Variants in GAS2L3 observed in about 807,000 individuals in gnomAD.
GAS2L3 encodes GAS2-like protein 3.
GAS2L3 carries 28 observed loss-of-function variants against 37.0 expected under a neutral mutation model. The ratio of observed to expected loss-of-function variants is 0.76; its 90% CI spans 0.56 to 1.04. The LOEUF is 1.04. Among genes scored for constraint, GAS2L3 ranks in the 50% least tolerant of loss-of-function variants. GAS2L3 has a pLI of 0.00. For synonymous variants in GAS2L3, 290 were observed against 296.6 expected, an observed-to-expected ratio of 0.98 and a Z score of 0.23; for missense variants, 793 against 817.6, an observed-to-expected ratio of 0.97 and a Z score of 0.37.
At chr12:100,588,481 A>T (rs550895403) in intron 1 of GAS2L3, among the ~76,000 whole-genome samples, 33 of 152,362 alleles carry the variant, frequency 2.2e-4, no homozygotes, top group African/African-American at 7.7e-4. Flanking sequence ...AACAAAGATC[A>T]CATGCTTCTG....
intron 1 of GAS2L3, among the ~76,000 whole-genome samples, chr12:100,588,134 T>C (rs1204999606): frequency 1.3e-5 from 2 of 152,166 alleles, no homozygotes; most frequent in East Asian, 1.9e-4. Flanking sequence ...GACGATATGA[T>C]TGTTTACCTT....
intron 8 of GAS2L3, among the ~76,000 whole-genome samples, chr12:100,619,983 T>G (rs1956233889): frequency 6.6e-6 from 1 of 152,032 alleles, no homozygotes; most frequent in African/African-American, 2.4e-5. Context: ...CTATTAAACC[T>G]GGTGCTTTTA....
chr12:100,573,740 G>T lies in GAS2L3; in HGVS notation c.-197G>T. 1 of 154,098 alleles carries T rather than the reference G, an allele frequency of 6.5e-6. No individual in the cohort carries two copies. The highest frequency in any genetic ancestry group is 1.8e-4 in the South Asian group (1 of 5,680). 9.5% of individuals were successfully genotyped at this position (154,098 alleles called of 1,614,324 possible). Reference sequence around the variant, plus strand: ...GGGGCGTGTTGGCCCCGCACAGATTGAGCCGAGTTGTCGCCCCGCTGGGAG... The same window carrying T: ...GGGGCGTGTTGGCCCCGCACAGATTTAGCCGAGTTGTCGCCCCGCTGGGAG... On this transcript the variant is annotated 5_prime_UTR_variant, in exon 1 of 10. Transcript: ENST00000547754.
chr12:100,579,108 T>A (rs1032999480), intron 1 of GAS2L3: 2 of 720,298 alleles, frequency 2.8e-6, no homozygotes, highest in African/African-American at 3.5e-5. Context: ...CAGGAGAGAG[T>A]CACAATAATC....
rs188722127 is a variant in GAS2L3, at chr12:100,597,236, A to G, written c.18+2314A>G. 5.3e-4 allele frequency among the ~76,000 whole-genome samples: 81 copies of G among 152,138 alleles called. 1 individual carries two copies. The highest frequency in any genetic ancestry group is 1.5e-4 in the Non-Finnish European group (10 of 67,950). On this transcript the variant is annotated intron_variant, in intron 3 of 9. Coordinates refer to ENST00000547754, the MANE Select transcript of GAS2L3 (RefSeq NM_174942.3). ...TTCAGCTCAACCAGATGGTTAATGG[A>G]CAAATAACATATTCCATTGACTGTC...
intron 1 of GAS2L3, among the ~76,000 whole-genome samples, chr12:100,577,958 A>G (rs1304151632): frequency 6.6e-6 from 1 of 152,228 alleles, no homozygotes; most frequent in Non-Finnish European, 1.5e-5. Context: ...GGATCCTACA[A>G]ATCTTTGTTA....
At chr12:100,587,973 A>T (rs544466770) in intron 1 of GAS2L3, among the ~76,000 whole-genome samples, 1 of 152,208 alleles carries the variant, frequency 6.6e-6, no homozygotes, top group African/African-American at 2.4e-5. Context: ...AATGGTGTGA[A>T]CCCAGGAGGT....
intron 3 of GAS2L3, among the ~76,000 whole-genome samples, chr12:100,596,285 A>G (rs1044581014): frequency 1.3e-5 from 2 of 152,048 alleles, no homozygotes; most frequent in African/African-American, 4.8e-5. Flanking sequence ...CAGGAATGTC[A>G]TAGTTTCTTA....
intron 1 of GAS2L3, among the ~76,000 whole-genome samples, chr12:100,582,338 C>T (rs1008827058): frequency 6.6e-6 from 1 of 152,218 alleles, no homozygotes; most frequent in Non-Finnish European, 1.5e-5. Flanking sequence ...GGAATGTCAT[C>T]AGTTAAGGCA....
rs1476316724 is a variant in GAS2L3, at chr12:100,626,829, G to T, written c.*1939G>T. On this transcript the variant is annotated 3_prime_UTR_variant, in exon 10 of 10. Transcript: ENST00000547754. Reference sequence around the variant, plus strand: ...TTAGCCAAAGAATTGTTTATTTGAGGCCAGGCAATCCCAGCATTTTGGGAA... The same window carrying T: ...TTAGCCAAAGAATTGTTTATTTGAGTCCAGGCAATCCCAGCATTTTGGGAA... The T allele has an allele frequency of 6.6e-6, 1 of 152,046 alleles. No individual in the cohort carries two copies. Among genetic ancestry groups the T allele is most frequent in the Non-Finnish European group, 1.5e-5 (1 of 68,014 alleles). 9.4% of individuals were successfully genotyped at this position (152,046 alleles called of 1,614,324 possible).
intron 3 of GAS2L3, among the ~76,000 whole-genome samples, chr12:100,597,156 C>A (rs1955922771): frequency 6.6e-6 from 1 of 151,928 alleles, no homozygotes; most frequent in Admixed American, 6.6e-5. Context: ...AAAAACCACC[C>A]TCTTAATTTA....
intron 1 of GAS2L3, among the ~76,000 whole-genome samples, chr12:100,577,085 G>C (rs1955646690): frequency 6.6e-6 from 1 of 152,300 alleles, no homozygotes; most frequent in Non-Finnish European, 1.5e-5. Flanking sequence ...TACACACACA[G>C]AGAATTTAGA....
Position 100,624,854 on chromosome 12 carries a change from T to C in GAS2L3, c.2049T>C (p.Tyr683=), listed in dbSNP as rs61745248. 1.0e-3 allele frequency: 1,650 copies of C among 1,603,624 alleles called. 13 individuals are homozygous for C. The African/African-American group carries it at 0.019, about 19-fold the overall frequency. ...TAKKKEDDDH[Y]FVMTGSKKPR... Reference sequence around the variant, plus strand: ...AGAAAAAGGAAGATGATGACCATTATTTTGTCATGACTGGAAGTAAGAAAC... The same window carrying C: ...AGAAAAAGGAAGATGATGACCATTACTTTGTCATGACTGGAAGTAAGAAAC... Residue 683 remains tyrosine (Y), a synonymous_variant, in exon 10 of 10, where the codon TAT becomes TAC. Transcript: ENST00000547754.
intron 1 of GAS2L3, among the ~76,000 whole-genome samples, chr12:100,584,570 C>T (rs1955754205): frequency 6.6e-6 from 1 of 151,622 alleles, no homozygotes; most frequent in Admixed American, 6.6e-5. Flanking sequence ...GACATTCCTA[C>T]TTGAATGTCT....
At chr12:100,578,822 A>G in intron 1 of GAS2L3, 1 of 660,756 alleles carries the variant, frequency 1.5e-6, no homozygotes, top group Non-Finnish European at 2.8e-6. Flanking sequence ...AAGTCTTTAC[A>G]CACGTAGAAC....
chr12:100,608,807 G>A (rs114674445), intron 5 of GAS2L3, among the ~76,000 whole-genome samples: 2,121 of 152,224 alleles, frequency 0.014, 52 homozygotes, highest in African/African-American at 0.048. Flanking sequence ...TGCTACACCC[G>A]GCCTGAAGTC....
At chr12:100,618,671 C>T in intron 8 of GAS2L3, 84 bp downstream of exon 8, 2 of 1,231,500 alleles carry the variant, frequency 1.6e-6, no homozygotes, top group Non-Finnish European at 2.2e-6. Context: ...ACAGGTGATG[C>T]TATTTTTAAA....
intron 6 of GAS2L3, 145 bp from the exon 7 acceptor site, chr12:100,617,599 T>A: frequency 1.6e-6 from 1 of 606,980 alleles, no homozygotes; most frequent in Non-Finnish European, 2.9e-6. Context: ...GTAGAAAAAA[T>A]AAAAGTGTCT....
intron 5 of GAS2L3, among the ~76,000 whole-genome samples, chr12:100,610,085 C>T (rs569170764): frequency 2.0e-4 from 30 of 152,274 alleles, no homozygotes; most frequent in Non-Finnish European, 3.2e-4. Context: ...ATGGGTAAGA[C>T]GAATGGCGTA....
Sources: allele counts gnomAD v4.1 joint callset (sites outside exome capture counted in the v4.1 genomes callset), GRCh38; gene constraint gnomAD v4.1.1; transcripts MANE v1.5; gene names NCBI Gene and HGNC (gene_info 2026-07-23, HGNC 2026-07-21).